The following ADAMTS6 variants were observed in gnomAD, a reference collection of about 807,000 sequenced individuals.
ADAMTS6 encodes ADAM metallopeptidase with thrombospondin type 1 motif 6.
A neutral mutation model predicts 144.3 loss-of-function variants in ADAMTS6; 23 were observed. That is an observed-to-expected ratio of 0.16 (90% CI 0.11 to 0.23). The LOEUF (loss-of-function observed/expected upper bound fraction) is 0.23. ADAMTS6 is among the 10% of genes least tolerant of loss of function. The pLI is 1.00. For synonymous variants in ADAMTS6, 444 were observed against 457.5 expected, an observed-to-expected ratio of 0.97 and a Z score of 0.38; for missense variants, 999 against 1,379.6, an observed-to-expected ratio of 0.72 and a Z score of 4.37.
chr5:65,407,008 C>T (rs895774252), intron 7 of ADAMTS6, among the ~76,000 whole-genome samples: 2 of 152,034 alleles, frequency 1.3e-5, no homozygotes, highest in Non-Finnish European at 2.9e-5. Context: ...TCTACGTCTG[C>T]TTGGTGTACC....
At chr5:65,412,521 G>A (rs904853397) in intron 7 of ADAMTS6, among the ~76,000 whole-genome samples, 3 of 152,092 alleles carry the variant, frequency 2.0e-5, no homozygotes, top group Non-Finnish European at 2.9e-5. Flanking sequence ...AGCAGTAATC[G>A]TATTACTCTT....
intron 6 of ADAMTS6, 95 bp from the exon 7 acceptor site, chr5:65,451,715 G>T: frequency 7.1e-7 from 1 of 1,418,130 alleles, no homozygotes; most frequent in South Asian, 1.2e-5. Flanking sequence ...ATAATTAGAA[G>T]CAGTGTTTCT....
At chr5:65,172,364 A>C (rs1211528564) in intron 23 of ADAMTS6, among the ~76,000 whole-genome samples, 1 of 151,120 alleles carries the variant, frequency 6.6e-6, no homozygotes, top group Non-Finnish European at 1.5e-5. Context: ...CAGTGAGCCG[A>C]GATCGCGCCA....
chr5:65,256,656 G>C (rs1425227801), intron 14 of ADAMTS6: 1 of 152,020 alleles, frequency 6.6e-6, no homozygotes, highest in Non-Finnish European at 1.5e-5. Context: ...TGAATAAAAT[G>C]CAACAAGCTG....
At chr5:65,290,982 A>G (rs1218911338) in intron 11 of ADAMTS6, among the ~76,000 whole-genome samples, 1 of 152,214 alleles carries the variant, frequency 6.6e-6, no homozygotes, top group Non-Finnish European at 1.5e-5. Context: ...TAGCTCAATT[A>G]TAAGAGTATC....
intron 7 of ADAMTS6, among the ~76,000 whole-genome samples, chr5:65,349,294 C>T (rs1405753052): frequency 1.3e-5 from 2 of 151,998 alleles, no homozygotes; most frequent in African/African-American, 2.4e-5. Context: ...TATTTACAGT[C>T]TGGCAAATTA....
chr5:65,477,516 C>G (rs1269904626), intron 1 of ADAMTS6, among the ~76,000 whole-genome samples: 2 of 152,062 alleles, frequency 1.3e-5, no homozygotes, highest in Non-Finnish European at 2.9e-5. Context: ...TCACTCTTAC[C>G]TACTCTCCTG....
At chr5:65,398,804 G>GA (rs150395612) in intron 7 of ADAMTS6, among the ~76,000 whole-genome samples, 6,166 of 82,640 alleles carry the variant, frequency 0.075, 321 homozygotes, top group South Asian at 0.15. Flanking sequence ...AAGAAAGAAA[G>GA]AAAGAAAGAA....
Position 65,443,900 on chromosome 5 carries a change from T to G in ADAMTS6, c.1073+7575A>C, listed in dbSNP as rs546913932. On this transcript the variant is annotated intron_variant, in intron 7 of 24. Transcript: ENST00000381055. The stretch of plus-strand genomic sequence containing the variant: ...ATGGTGAAAGACGGAATTCTTTCCT[T>G]GCTGAGGTCAGGAACAAAACAAGGA... Among the ~76,000 whole-genome samples the G allele has an allele frequency of 6.6e-5, 10 of 152,278 alleles. No individual in the cohort carries two copies. The East Asian group carries it at 1.9e-3, about 29-fold the overall frequency.
chr5:65,352,165 T>C (rs979080339), intron 7 of ADAMTS6, among the ~76,000 whole-genome samples: 1 of 143,898 alleles, frequency 6.9e-6, no homozygotes, highest in African/African-American at 2.4e-5. Flanking sequence ...GATGCAAAGA[T>C]GTTTATAAGT....
intron 14 of ADAMTS6, among the ~76,000 whole-genome samples, chr5:65,254,056 G>A (rs1171728278): frequency 6.6e-6 from 1 of 151,754 alleles, no homozygotes; most frequent in Non-Finnish European, 1.5e-5. Context: ...TGTTGCCCAG[G>A]CTGGTCTCGA....
chr5:65,219,174 A>G (rs1169635344), intron 18 of ADAMTS6, among the ~76,000 whole-genome samples: 1 of 152,164 alleles, frequency 6.6e-6, no homozygotes, highest in East Asian at 1.9e-4. Context: ...TCTAAACAAG[A>G]AGTCACCAAA....
chr5:65,419,558 G>GA (rs1177878662), intron 7 of ADAMTS6, among the ~76,000 whole-genome samples: 6 of 151,718 alleles, frequency 4.0e-5, no homozygotes, highest in Non-Finnish European at 7.4e-5. Flanking sequence ...AATAAATATA[G>GA]AAAAAATTTT....
chr5:65,446,510 T>A (rs902960626), intron 7 of ADAMTS6, among the ~76,000 whole-genome samples: 2 of 152,186 alleles, frequency 1.3e-5, no homozygotes, highest in Non-Finnish European at 2.9e-5. Flanking sequence ...TTGAGATGTA[T>A]TTATAAATCC....
chr5:65,174,342 C>T (rs112198253), intron 22 of ADAMTS6, among the ~76,000 whole-genome samples: 8 of 152,272 alleles, frequency 5.3e-5, no homozygotes, highest in East Asian at 1.9e-4. Context: ...GTCGGACGGT[C>T]GAGGCAGCCC....
rs1763260332 is a variant in ADAMTS6 at position 65,285,067 on chromosome 5, G to A, written c.1512+6262C>T. ...GGAGGGCAAGAGAAAAGGGAAAAGA[G>A]GACACCACAGATCACTTTATAAAAG... On this transcript the variant is annotated intron_variant, in intron 11 of 24. Transcript: ENST00000381055. 4.6e-5 allele frequency among the ~76,000 whole-genome samples: 7 copies of A among 152,124 alleles called. No individual in the cohort carries two copies. The South Asian group carries it at 1.5e-3, about 32-fold the overall frequency.
chr5:65,203,772 G>A (rs1755896788), intron 20 of ADAMTS6, among the ~76,000 whole-genome samples: 1 of 152,088 alleles, frequency 6.6e-6, no homozygotes. Flanking sequence ...ATTTTTAAAA[G>A]GCTTTGTTTT....
chr5:65,173,823 G>C (rs1303136857), intron 22 of ADAMTS6, among the ~76,000 whole-genome samples: 1 of 152,116 alleles, frequency 6.6e-6, no homozygotes, highest in Non-Finnish European at 1.5e-5. Flanking sequence ...AAGAGATCAA[G>C]ACCATCCTGG....
In ADAMTS6 at chr5:65,262,831, G is replaced by A. The variant is rs778854703; in HGVS notation, c.1752C>T (p.His584=). 1.1e-5 allele frequency: 17 copies of A among 1,536,558 alleles called. No individual in the cohort carries two copies. The South Asian group carries it at 2.2e-4, about 20-fold the overall frequency. ...TAGCTACTTACGCTGGACTGTCACA[G>A]TGTCTTAGGGATGAGGAGACGCCTC... is the stretch of plus-strand genomic sequence containing the variant. ...CGGGVSSSLR[H]CDSPAPSGGG... Residue 584 remains histidine, a synonymous_variant, in exon 13 of 25, where the codon CAC becomes CAT. Transcript: ENST00000381055.
Sources: allele counts gnomAD v4.1 joint callset (sites outside exome capture counted in the v4.1 genomes callset), GRCh38; gene constraint gnomAD v4.1.1; transcripts MANE v1.5; gene names NCBI Gene and HGNC (gene_info 2026-07-23, HGNC 2026-07-21).